NOL4: variants seen among roughly 807,000 people sequenced by gnomAD.
NOL4 encodes nucleolar protein 4.
A neutral mutation model predicts 75.9 loss-of-function variants in NOL4; 17 were observed. That is an observed-to-expected ratio of 0.22 (90% CI 0.15 to 0.34). The LOEUF (loss-of-function observed/expected upper bound fraction) is 0.34. NOL4 is among the 10% of genes least tolerant of loss of function. NOL4 has a pLI of 1.00. For missense variants in NOL4, 614 were observed against 793.5 expected (o/e 0.77, Z 2.72); for synonymous variants, 292 against 289.9 (o/e 1.01, Z -0.07).
Position 33,853,844 on chromosome 18 carries a change from G to A in NOL4, c.1724-809C>T, listed in dbSNP as rs115510956. 6.7e-3 allele frequency among the ~76,000 whole-genome samples: 1,024 copies of A among 152,088 alleles called. 12 individuals carry two copies. The highest frequency in any genetic ancestry group is 0.023 in the African/African-American group (938 of 41,510). On this transcript the variant is annotated intron_variant, in intron 10 of 10. Transcript: ENST00000261592. ...TTTTCTTACATATTTAAGCCATCTG[G>A]TGGGTATGCTTTTTGACAACATTTT...
At chr18:33,936,208 C>G (rs1342561134) in intron 9 of NOL4, among the ~76,000 whole-genome samples, 1 of 152,062 alleles carries the variant, frequency 6.6e-6, no homozygotes, top group African/African-American at 2.4e-5. Context: ...ACATTTTCAA[C>G]CTTTGCACCT....
chr18:33,894,014 T>A (rs980737071), intron 9 of NOL4, among the ~76,000 whole-genome samples: 1 of 152,138 alleles, frequency 6.6e-6, no homozygotes, highest in African/African-American at 2.4e-5. Context: ...GAAAAAGTAT[T>A]TTTGTTGAAG....
intron 4 of NOL4, among the ~76,000 whole-genome samples, chr18:34,099,379 A>G (rs1250129862): frequency 6.7e-6 from 1 of 149,986 alleles, no homozygotes; most frequent in Non-Finnish European, 1.5e-5. Context: ...AAAAAAAAAG[A>G]CAACTACGCA....
intron 10 of NOL4, among the ~76,000 whole-genome samples, chr18:33,880,177 T>C (rs1024143267): frequency 1.1e-3 from 171 of 152,198 alleles, no homozygotes; most frequent in African/African-American, 3.9e-3. Context: ...CATATGATTT[T>C]GGGTATAGTT....
intron 1 of NOL4, among the ~76,000 whole-genome samples, chr18:34,138,328 T>C (rs1469273984): frequency 6.6e-6 from 1 of 152,100 alleles, no homozygotes; most frequent in Non-Finnish European, 1.5e-5. Flanking sequence ...CTTGAGCCCA[T>C]AAGGTTGAAG....
chr18:33,991,684 C>T (rs1207429210), intron 6 of NOL4, among the ~76,000 whole-genome samples: 1 of 151,914 alleles, frequency 6.6e-6, no homozygotes, highest in Non-Finnish European at 1.5e-5. Context: ...CAGCTAGCCA[C>T]ATGTACCAAT....
intron 1 of NOL4, among the ~76,000 whole-genome samples, chr18:34,159,432 G>T (rs1325610282): frequency 6.6e-6 from 1 of 152,214 alleles, no homozygotes; most frequent in Non-Finnish European, 1.5e-5. Context: ...GTCTCTCGGA[G>T]GAGCAGGAGA....
rs768888046 is a variant in NOL4, at chr18:34,223,217, C to T, written c.37G>A (p.Asp13Asn). 5.6e-6 allele frequency: 9 copies of T among 1,614,126 alleles called. No individual in the cohort carries two copies. Among genetic ancestry groups the T allele is most frequent in the Non-Finnish European group, 7.6e-6 (9 of 1,180,042 alleles). The change falls in exon 1 of 11, where the codon GAC (aspartate) becomes AAC (asparagine). Residue 13 changes from aspartate (D) to asparagine (N), a missense_variant. Transcript: ENST00000261592. ...TCCCCGTAAGTCCTGAGGCACCAGTCCTGGAACTGGCGGTACATGTCGCGC... is the reference window on the plus strand; with the variant it reads ...TCCCCGTAAGTCCTGAGGCACCAGTTCTGGAACTGGCGGTACATGTCGCGC... ...SERDMYRQFQ[D>N]WCLRTYGDSG...
chr18:34,093,426 G>A (rs1433284495), intron 5 of NOL4, 39 bp downstream of exon 5: 6 of 1,513,328 alleles, frequency 4.0e-6, no homozygotes, highest in Non-Finnish European at 5.3e-6. Flanking sequence ...TCATTTTTTT[G>A]CTGTTGTTTT....
chr18:34,142,575 G>GC, intron 1 of NOL4, among the ~76,000 whole-genome samples: 1 of 152,104 alleles, frequency 6.6e-6, no homozygotes, highest in East Asian at 1.9e-4. Context: ...GCAAACTATC[G>GC]CAAGGACAAA....
At chr18:33,951,950 C>T (rs1019523653) in intron 8 of NOL4, among the ~76,000 whole-genome samples, 5 of 152,118 alleles carry the variant, frequency 3.3e-5, no homozygotes, top group Non-Finnish European at 7.3e-5. Flanking sequence ...CATACCCCAG[C>T]CCTAATCTGT....
chr18:33,966,774 C>T (rs1326129377), intron 6 of NOL4, among the ~76,000 whole-genome samples: 2 of 151,982 alleles, frequency 1.3e-5, no homozygotes, highest in Non-Finnish European at 2.9e-5. Flanking sequence ...AGAATATATA[C>T]AACCAATGAG....
chr18:33,861,070 A>T (rs1199683320), intron 10 of NOL4, among the ~76,000 whole-genome samples: 1 of 152,174 alleles, frequency 6.6e-6, no homozygotes, highest in Non-Finnish European at 1.5e-5. Context: ...ATCAATGTTC[A>T]TCAAGGATAT....
intron 4 of NOL4, among the ~76,000 whole-genome samples, 168 bp from the exon 5 acceptor site, chr18:34,093,765 C>A (rs190373577): frequency 1.3e-5 from 2 of 152,100 alleles, no homozygotes; most frequent in Admixed American, 1.3e-4. Context: ...ATGGGCCGGG[C>A]GTGGTGGCTC....
intron 6 of NOL4, among the ~76,000 whole-genome samples, chr18:33,966,986 A>G (rs952382558): frequency 6.6e-6 from 1 of 152,170 alleles, no homozygotes. Context: ...CTATTCTAAA[A>G]TTCATATAGA....
Position 34,223,299 on chromosome 18 carries a change from C to G in NOL4, c.-46G>C. 6.3e-7 allele frequency: 1 copy of G among 1,599,710 alleles called. No individual in the cohort carries two copies. The highest frequency in any genetic ancestry group is 8.5e-7 in the Non-Finnish European group (1 of 1,175,468). On this transcript the variant is annotated 5_prime_UTR_variant, in exon 1 of 11. Transcript: ENST00000261592. ...GGCCGGATGCTCCCAGCGCACTTCG[C>G]ACCTGTTCACCCTAGGCTCATGAAA...
chr18:34,100,058 C>G (rs1157355966), intron 4 of NOL4, among the ~76,000 whole-genome samples: 2 of 141,262 alleles, frequency 1.4e-5, no homozygotes, highest in Non-Finnish European at 3.0e-5. Context: ...TTTTTTTTAA[C>G]TGATGAATTA....
At chr18:33,984,139 T>C (rs957408037) in intron 6 of NOL4, among the ~76,000 whole-genome samples, 1 of 152,064 alleles carries the variant, frequency 6.6e-6, no homozygotes, top group African/African-American at 2.4e-5. Flanking sequence ...CAATATCTAG[T>C]CAACAACAAA....
intron 8 of NOL4, 49 bp downstream of exon 8, chr18:33,957,277 A>C (rs968478288): frequency 7.2e-7 from 1 of 1,391,794 alleles, no homozygotes. Flanking sequence ...CATGGTTTAC[A>C]TGTGGGATTT....
Sources: gnomAD v4.1 joint callset for allele counts (sites outside exome capture counted in the v4.1 genomes callset) on GRCh38, gnomAD v4.1.1 for gene constraint, MANE v1.5 for transcripts, NCBI Gene and HGNC (gene_info 2026-07-23, HGNC 2026-07-21) for gene names.